Variants in CALCRL observed in about 807,000 individuals in gnomAD.
The protein encoded by CALCRL is calcitonin gene-related peptide type 1 receptor.
In CALCRL, 27 loss-of-function variants were observed where a neutral mutation model predicts 60.4. That is an observed-to-expected ratio of 0.45 (90% CI 0.33 to 0.62). CALCRL has a LOEUF of 0.62. Ranked by LOEUF, CALCRL falls within the 20% of genes least tolerant of loss-of-function variation. CALCRL has a pLI of 0.03. For missense variants in CALCRL, 424 were observed against 540.7 expected, an observed-to-expected ratio of 0.78 and a Z score of 2.14; for synonymous variants, 190 against 182.6, an observed-to-expected ratio of 1.04 and a Z score of -0.33.
intron 1 of CALCRL, among the ~76,000 whole-genome samples, chr2:187,441,090 AT>A (rs1473751907): frequency 6.6e-6 from 1 of 152,028 alleles, no homozygotes; most frequent in East Asian, 1.9e-4. Flanking sequence ...ACACAAAAAA[AT>A]ATTTTTTGTC....
intron 1 of CALCRL, among the ~76,000 whole-genome samples, chr2:187,401,950 AGGAAGAAAGGAAGAAG>A: frequency 6.6e-6 from 1 of 151,464 alleles, no homozygotes; most frequent in Admixed American, 6.6e-5. Flanking sequence ...GAAAGAAGGA[AGGAAGAAAGGAAGAAG>A]GGAAGGAAGG....
chr2:187,390,725 A>T (rs1018857386), intron 1 of CALCRL, among the ~76,000 whole-genome samples: 1 of 152,130 alleles, frequency 6.6e-6, no homozygotes, highest in Non-Finnish European at 1.5e-5. Flanking sequence ...ATGATCTGAA[A>T]ATTGTGCTAC....
Position 187,360,661 on chromosome 2 carries a change from G to T in CALCRL, c.718C>A (p.Leu240Ile), listed in dbSNP as rs1559041945. Residue 240 changes from leucine to isoleucine, a missense_variant, in exon 10 of 15, where the codon CTC (leucine) becomes ATC (isoleucine). Physicochemically the swap from Leu to Ile is conservative, Grantham distance 5. Around this residue, in one of 7 missense-constraint regions of CALCRL, gnomAD observed 222 missense variants for 265.6 expected, o/e 0.84. Transcript: ENST00000392370. Reference protein sequence around the residue: ...MLCEGIYLHTLIVVAVFAEKQ... With the variant: ...MLCEGIYLHTIIVVAVFAEKQ... ...TCTGCAAACACGGCCACCACAATGA[G>T]TGTGTGTAGGTAAATGCCTTCACAG... 6.2e-7 allele frequency: 1 copy of T among 1,612,554 alleles called. No homozygotes were observed. The highest frequency in any genetic ancestry group is 1.7e-5 in the Admixed American group (1 of 59,844).
At position 187,343,016 on chromosome 2, in the gene CALCRL, T is replaced by A. The variant is rs1470667701; in HGVS notation, c.*3168A>T. On this transcript the variant is annotated 3_prime_UTR_variant, in exon 15 of 15. Transcript: ENST00000392370. ...GATAAAGGAGATGAATTTCTGAACA[T>A]TTTCTTATTTTGAGACATCCTTTTT... 2 of 151,530 alleles carry A rather than the reference T, an allele frequency of 1.3e-5. No homozygotes were observed. The highest frequency in any genetic ancestry group is 3.0e-5 in the Non-Finnish European group (2 of 67,586). The allele number at this position is 151,530 out of a possible 1,614,324, so 9.4% of individuals were successfully genotyped here. A position where few individuals can be genotyped will look rare whatever the true frequency, so the allele number is the denominator to read the frequency against.
chr2:187,360,550 A>C (rs1046876473), intron 10 of CALCRL, 48 bp downstream of exon 10: 1 of 1,506,174 alleles, frequency 6.6e-7, no homozygotes, highest in Non-Finnish European at 9.0e-7. Context: ...CATCCTCCAA[A>C]GGCTTCTTTA....
At chr2:187,439,981 T>C (rs1690817287) in intron 1 of CALCRL, among the ~76,000 whole-genome samples, 1 of 152,150 alleles carries the variant, frequency 6.6e-6, no homozygotes, top group Admixed American at 6.6e-5. Context: ...GTGATGCTTA[T>C]GTAATGTAGA....
chr2:187,346,962 C>T (rs1466346766), intron 14 of CALCRL, among the ~76,000 whole-genome samples: 1 of 151,730 alleles, frequency 6.6e-6, no homozygotes, highest in Non-Finnish European at 1.5e-5. Context: ...GAGCTTACTA[C>T]ATAGAGGAAA....
intron 4 of CALCRL, among the ~76,000 whole-genome samples, chr2:187,384,061 G>A (rs1688101407): frequency 6.6e-6 from 1 of 151,986 alleles, no homozygotes; most frequent in Non-Finnish European, 1.5e-5. Context: ...CCCATAAGCT[G>A]TTATCTTCCT....
At chr2:187,388,085 A>AT (rs1313864601) in intron 1 of CALCRL, among the ~76,000 whole-genome samples, 2 of 151,862 alleles carry the variant, frequency 1.3e-5, no homozygotes, top group Non-Finnish European at 2.9e-5. Flanking sequence ...AGATATTTAC[A>AT]TTTTTTTCAT....
chr2:187,366,897 A>T (rs1687317886), intron 8 of CALCRL, among the ~76,000 whole-genome samples: 1 of 146,358 alleles, frequency 6.8e-6, no homozygotes, highest in African/African-American at 2.5e-5. Context: ...TCTTCCAAAA[A>T]TGTCATTATT....
At chr2:187,389,162 T>A (rs927099805) in intron 1 of CALCRL, among the ~76,000 whole-genome samples, 1 of 151,908 alleles carries the variant, frequency 6.6e-6, no homozygotes, top group Admixed American at 6.6e-5. Flanking sequence ...AATCTCCGTC[T>A]TGCAGGTTCA....
chr2:187,399,296 A>T (rs1347774010), intron 1 of CALCRL, among the ~76,000 whole-genome samples: 1 of 151,490 alleles, frequency 6.6e-6, no homozygotes. Context: ...ATTTTTTTCT[A>T]AAGATGAAAT....
intron 8 of CALCRL, among the ~76,000 whole-genome samples, chr2:187,370,315 G>C (rs1459158094): frequency 6.6e-6 from 1 of 151,914 alleles, no homozygotes; most frequent in Non-Finnish European, 1.5e-5. Context: ...TATAATAATG[G>C]AAAACCTGAT....
At chr2:187,418,981 C>G (rs1250436895) in intron 1 of CALCRL, among the ~76,000 whole-genome samples, 1 of 150,052 alleles carries the variant, frequency 6.7e-6, no homozygotes, top group Non-Finnish European at 1.5e-5. Flanking sequence ...CTCAGCCTCC[C>G]AAGTAGGTGG....
At chr2:187,367,611 T>C (rs1687353231) in intron 8 of CALCRL, among the ~76,000 whole-genome samples, 1 of 152,106 alleles carries the variant, frequency 6.6e-6, no homozygotes, top group African/African-American at 2.4e-5. Context: ...TATTTGTATA[T>C]TTTTTCAAAT....
chr2:187,346,291 T>G lies in CALCRL; in HGVS notation c.1279A>C (p.Ser427Arg). 6.2e-7 allele frequency: 1 copy of G among 1,612,434 alleles called. No homozygotes were observed. The highest frequency in any genetic ancestry group is 8.5e-7 in the Non-Finnish European group (1 of 1,178,954). The part of the protein sequence containing the change: ...RSASYTVSTI[S>R]DGPGYSHDCP... Reference sequence around the variant, plus strand: ...TCATGACTATAACCTGGACCATCACTGATTGTTGACACTGTGTAAGACGCA... The same window carrying G: ...TCATGACTATAACCTGGACCATCACGGATTGTTGACACTGTGTAAGACGCA... Residue 427 changes from serine (S) to arginine (R), a missense_variant, in exon 15 of 15, where the codon AGT becomes CGT. Physicochemically the swap from Ser to Arg is moderately radical, Grantham distance 110. Around this residue, in one of 7 missense-constraint regions of CALCRL, gnomAD observed 222 missense variants for 265.6 expected, o/e 0.84. Coordinates refer to ENST00000392370, the MANE Select transcript of CALCRL (RefSeq NM_005795.6).
intron 1 of CALCRL, among the ~76,000 whole-genome samples, chr2:187,404,930 A>G (rs907446466): frequency 2.6e-5 from 4 of 151,934 alleles, no homozygotes; most frequent in African/African-American, 9.7e-5. Flanking sequence ...AGCGAGACAC[A>G]GGGCAGAGAG....
chr2:187,386,028 T>C (rs959174148), intron 3 of CALCRL, among the ~76,000 whole-genome samples: 1 of 152,070 alleles, frequency 6.6e-6, no homozygotes, highest in Non-Finnish European at 1.5e-5. Context: ...TTTAAGAGCA[T>C]TATGGTGTCA....
chr2:187,402,659 G>A (rs752482966), intron 1 of CALCRL, among the ~76,000 whole-genome samples: 1 of 151,708 alleles, frequency 6.6e-6, no homozygotes, highest in Non-Finnish European at 1.5e-5. Context: ...TGATTTGCTG[G>A]TAGTGGCAGC....
Sources: gnomAD v4.1 joint callset for allele counts (sites outside exome capture counted in the v4.1 genomes callset) on GRCh38, gnomAD v4.1.1 for gene constraint, gnomAD v4.1.1 regional missense constraint, MANE v1.5 for transcripts, NCBI Gene and HGNC (gene_info 2026-07-23, HGNC 2026-07-21) for gene names.